MAST4: variants seen among roughly 807,000 people sequenced by gnomAD.
MAST4 encodes the protein microtubule associated serine/threonine kinase family member 4.
MAST4 carries 89 observed loss-of-function variants against 162.7 expected under a neutral mutation model. The observed-to-expected ratio is 0.55, with a 90% CI of 0.46 to 0.65. MAST4 has a LOEUF of 0.65. Ranked by LOEUF, MAST4 falls within the 30% of genes least tolerant of loss-of-function variation. The pLI is 0.00. For synonymous variants in MAST4, 1,479 were observed against 1,361.1 expected, an observed-to-expected ratio of 1.09 and a Z score of -1.91; for missense variants, 3,153 against 3,374.0, an observed-to-expected ratio of 0.93 and a Z score of 1.62.
At chr5:67,018,252 T>G (rs1340608878) in intron 4 of MAST4, among the ~76,000 whole-genome samples, 4 of 152,192 alleles carry the variant, frequency 2.6e-5, no homozygotes. Flanking sequence ...ATAGCTCGTT[T>G]GGACAGACAC....
chr5:66,782,240 G>A (rs1217703334), intron 2 of MAST4, among the ~76,000 whole-genome samples: 3 of 147,724 alleles, frequency 2.0e-5, no homozygotes, highest in Non-Finnish European at 4.5e-5. Flanking sequence ...AGGGAGCCGA[G>A]ATAATGCCAC....
At chr5:67,049,055 ATATACG>A (rs1431479252) in intron 4 of MAST4, among the ~76,000 whole-genome samples, 2 of 105,226 alleles carry the variant, frequency 1.9e-5, no homozygotes, top group African/African-American at 7.8e-5. Flanking sequence ...GTATATATAT[ATATACG>A]TATATATATA....
At chr5:66,825,139 T>G (rs1757178733) in intron 3 of MAST4, among the ~76,000 whole-genome samples, 2 of 152,232 alleles carry the variant, frequency 1.3e-5, no homozygotes, top group African/African-American at 4.8e-5. Context: ...TTAAATTCTT[T>G]CGCAATATCA....
chr5:66,661,222 C>T (rs765408746), intron 1 of MAST4, among the ~76,000 whole-genome samples: 5 of 152,132 alleles, frequency 3.3e-5, no homozygotes, highest in Non-Finnish European at 5.9e-5. Context: ...ACAGTGACTC[C>T]GATGTTCCTT....
intron 1 of MAST4, among the ~76,000 whole-genome samples, chr5:66,640,047 T>C (rs1745385655): frequency 6.6e-6 from 1 of 152,198 alleles, no homozygotes; most frequent in Non-Finnish European, 1.5e-5. Flanking sequence ...TAATTCATCC[T>C]ACAAAACTGC....
chr5:66,929,443 T>C (rs1741936744), intron 4 of MAST4, among the ~76,000 whole-genome samples: 1 of 152,188 alleles, frequency 6.6e-6, no homozygotes, highest in African/African-American at 2.4e-5. Context: ...CAGTCTCCTC[T>C]GGACACACCC....
At position 67,104,361 on chromosome 5, in the gene MAST4, T is replaced by C. The variant is rs1561657098; in HGVS notation, c.1147-5T>C. On this transcript the variant is annotated splice_polypyrimidine_tract_variant and splice_region_variant and intron_variant, in intron 9 of 28. Coordinates refer to ENST00000403625, the MANE Select transcript of MAST4 (RefSeq NM_001164664.2). Reference sequence around the variant, plus strand: ...CATCTGTGTATGTGTGTCTTCTCTATATAGGCTACAGCTCAGATGGAAGAA... The same window carrying C: ...CATCTGTGTATGTGTGTCTTCTCTACATAGGCTACAGCTCAGATGGAAGAA... 6.2e-7 allele frequency: 1 copy of C among 1,607,594 alleles called. No homozygotes were observed. Among genetic ancestry groups the C allele is most frequent in the East Asian group, 2.2e-5 (1 of 44,842 alleles).
chr5:66,783,764 G>A (rs1470824833), intron 2 of MAST4, among the ~76,000 whole-genome samples: 1 of 152,050 alleles, frequency 6.6e-6, no homozygotes, highest in Non-Finnish European at 1.5e-5. Flanking sequence ...AGTGGTCTCT[G>A]CTTGCTTTAC....
intron 3 of MAST4, among the ~76,000 whole-genome samples, chr5:66,819,502 G>C (rs1756888221): frequency 6.6e-6 from 1 of 152,136 alleles, no homozygotes. Flanking sequence ...AGGCGCTTCA[G>C]ATCTGTGTTG....
At chr5:66,901,931 CT>C (rs1390360614) in intron 4 of MAST4, among the ~76,000 whole-genome samples, 1 of 152,016 alleles carries the variant, frequency 6.6e-6, no homozygotes, top group Non-Finnish European at 1.5e-5. Context: ...AGGGAAAATA[CT>C]TTTTAAAATA....
At chr5:67,156,605 G>A (rs1360918341) in intron 26 of MAST4, among the ~76,000 whole-genome samples, 1 of 152,186 alleles carries the variant, frequency 6.6e-6, no homozygotes, top group Non-Finnish European at 1.5e-5. Context: ...TCAGGGGTGC[G>A]GGATAGTCTA....
intron 1 of MAST4, among the ~76,000 whole-genome samples, chr5:66,605,690 G>A (rs1742837595): frequency 6.6e-6 from 1 of 152,172 alleles, no homozygotes; most frequent in African/African-American, 2.4e-5. Context: ...AGTCCCCAAA[G>A]AGCCTGTAAG....
intron 4 of MAST4, among the ~76,000 whole-genome samples, chr5:66,962,200 CA>C (rs2150162311): frequency 6.6e-6 from 1 of 152,298 alleles, no homozygotes; most frequent in African/African-American, 2.4e-5. Flanking sequence ...AGCTCTGTTT[CA>C]AGACCTCATT....
chr5:67,078,921 T>A lies in MAST4; in HGVS notation c.764-11241T>A, dbSNP rs9763586. ...ATATATTTTTATATAAATATATATA[T>A]ATATATATATATATATATATATATA... On this transcript the variant is annotated intron_variant, in intron 5 of 28. Transcript: ENST00000403625. Among the ~76,000 whole-genome samples, 105 of 73,310 alleles carry A rather than the reference T, an allele frequency of 1.4e-3. 2 individuals are homozygous for A. Among genetic ancestry groups the A allele is most frequent in the African/African-American group, 3.4e-3 (43 of 12,784 alleles). 48.1% of individuals were successfully genotyped at this position (73,310 alleles called of 152,430 possible). A position where few individuals can be genotyped will look rare whatever the true frequency, so the allele number is the denominator to read the frequency against.
rs773406141 is a variant in MAST4, at chr5:67,104,522, A to G, written c.1303A>G (p.Thr435Ala). 2 of 1,613,772 alleles carry G rather than the reference A, an allele frequency of 1.2e-6. No individual in the cohort carries two copies. The highest frequency in any genetic ancestry group is 1.7e-6 in the Non-Finnish European group (2 of 1,179,822). Residue 435 changes from threonine (T) to alanine (A), a missense_variant, in exon 10 of 29, where the codon ACC (threonine) becomes GCC (alanine). Transcript: ENST00000403625. Reference protein sequence around the residue: ...CLDKSHQGLITSRYFLELQHK... With the variant: ...CLDKSHQGLIASRYFLELQHK... ...GGATAAATCCCACCAGGGCCTCATCACCTCACGATACTTCCTTGAATTACA... is the reference window on the plus strand; with the variant it reads ...GGATAAATCCCACCAGGGCCTCATCGCCTCACGATACTTCCTTGAATTACA...
At chr5:66,789,546 C>T (rs1446844720) in intron 3 of MAST4, among the ~76,000 whole-genome samples, 2 of 152,034 alleles carry the variant, frequency 1.3e-5, no homozygotes, top group South Asian at 2.1e-4. Context: ...GGGAATATTT[C>T]TCATATTTGT....
chr5:66,909,224 G>A (rs1203419581), intron 4 of MAST4, among the ~76,000 whole-genome samples: 1 of 152,120 alleles, frequency 6.6e-6, no homozygotes, highest in African/African-American at 2.4e-5. Context: ...TGTACCCTGC[G>A]TTGGTAACCC....
At position 67,164,929 on chromosome 5, in the gene MAST4, A is replaced by G. The variant is rs1773689000; in HGVS notation, c.5750A>G (p.Asn1917Ser). 6.2e-7 allele frequency: 1 copy of G among 1,613,940 alleles called. No homozygotes were observed. Among genetic ancestry groups the G allele is most frequent in the South Asian group, 1.1e-5 (1 of 91,074 alleles). The change falls in exon 29 of 29, where the codon AAT becomes AGT. Residue 1917 changes from asparagine (N) to serine (S), a missense_variant. Asn to Ser is a conservative substitution (Grantham distance 46). Around this residue, in one of 7 missense-constraint regions of MAST4, gnomAD observed 1,644 missense variants for 1,495.0 expected, o/e 1.10. Transcript: ENST00000403625. The surrounding 1 kb of genome is among the most constrained non-coding windows in gnomAD (Gnocchi z 5.3). ...AGCCCTGGAACAGTCATGGAAAGCA[A>G]TCCCCAACAGAGAGAGGGCAGCTCC... ...ARSPGTVMES[N>S]PQQREGSSPK...
chr5:66,906,068 GTAAAGT>G (rs1763335317), intron 4 of MAST4, among the ~76,000 whole-genome samples: 1 of 152,200 alleles, frequency 6.6e-6, no homozygotes, highest in Admixed American at 6.5e-5. Flanking sequence ...ATATTTTGGG[GTAAAGT>G]ACTTGAATTT....
Sources: allele counts gnomAD v4.1 joint callset (sites outside exome capture counted in the v4.1 genomes callset), GRCh38; gene constraint gnomAD v4.1.1; regional missense constraint gnomAD v4.1.1; non-coding constraint Gnocchi (gnomAD v3.1); transcripts MANE v1.5; gene names NCBI Gene and HGNC (gene_info 2026-07-23, HGNC 2026-07-21).